Variants in TSGA13 observed in about 807,000 individuals in gnomAD.
TSGA13 encodes testis specific 13.
TSGA13 carries 37 observed loss-of-function variants against 35.1 expected under a neutral mutation model. That is an observed-to-expected ratio of 1.05 (90% CI 0.81 to 1.39). The LOEUF (loss-of-function observed/expected upper bound fraction) is 1.39, where lower values mean the gene tolerates loss of function less well. TSGA13 is among the 40% of genes most tolerant of loss of function. TSGA13 has a pLI of 0.00. For synonymous variants in TSGA13, 124 were observed against 121.2 expected (o/e 1.02, Z -0.15); for missense variants, 338 against 328.5 (o/e 1.03, Z -0.22).
chr7:130,674,189 T>C (rs1303092625), intron 5 of TSGA13, among the ~76,000 whole-genome samples: 2 of 142,530 alleles, frequency 1.4e-5, no homozygotes, highest in Non-Finnish European at 3.1e-5. Flanking sequence ...TTTTTTTTTT[T>C]GAGATAGAGT....
At chr7:130,678,145 A>G (rs536902717) in intron 5 of TSGA13, among the ~76,000 whole-genome samples, 31 of 152,096 alleles carry the variant, frequency 2.0e-4, no homozygotes, top group Middle Eastern at 6.9e-3. Flanking sequence ...TTGGGAGGCC[A>G]AGGCGGGTGG....
chr7:130,669,911 G>A (rs1184818147), intron 7 of TSGA13, among the ~76,000 whole-genome samples: 1 of 152,144 alleles, frequency 6.6e-6, no homozygotes, highest in Non-Finnish European at 1.5e-5. Flanking sequence ...CAGGCTTTGG[G>A]GAAGGAAACA....
chr7:130,668,808 G>T lies in TSGA13; in HGVS notation c.*206C>A. 1 of 1,256,410 alleles carries T rather than the reference G, an allele frequency of 8.0e-7. No homozygotes were observed. The highest frequency in any genetic ancestry group is 1.1e-6 in the Non-Finnish European group (1 of 940,304). The allele number at this position is 1,256,410 out of a possible 1,614,324, so 77.8% of individuals were successfully genotyped here. A position where few individuals can be genotyped will look rare whatever the true frequency, so the allele number is the denominator to read the frequency against. On this transcript the variant is annotated 3_prime_UTR_variant, in exon 8 of 8. Coordinates refer to ENST00000356588, the MANE Select transcript of TSGA13 (RefSeq NM_052933.4). Reference sequence around the variant, plus strand: ...GCGCCTTCACTCGGGGCCAAGGCCCGCCCTCCCCGGCCGCCCTCGGCCCCC... The same window carrying T: ...GCGCCTTCACTCGGGGCCAAGGCCCTCCCTCCCCGGCCGCCCTCGGCCCCC...
intron 2 of TSGA13, among the ~76,000 whole-genome samples, chr7:130,684,481 TA>T (rs1796616134): frequency 6.6e-6 from 1 of 152,210 alleles, no homozygotes; most frequent in Non-Finnish European, 1.5e-5. Context: ...ATTGGGTGGT[TA>T]AATTAGCTCA....
intron 3 of TSGA13, among the ~76,000 whole-genome samples, chr7:130,681,528 A>G (rs1169689031): frequency 2.0e-5 from 3 of 151,678 alleles, no homozygotes; most frequent in East Asian, 1.9e-4. Flanking sequence ...ACTCACAGAG[A>G]AAGGAAGAAG....
chr7:130,675,384 G>T (rs1377100541), intron 5 of TSGA13, among the ~76,000 whole-genome samples: 34 of 150,292 alleles, frequency 2.3e-4, no homozygotes, highest in Admixed American at 1.7e-3. Flanking sequence ...CTTTTTTTGG[G>T]GGGGGTGGGG....
At chr7:130,671,176 T>G (rs1796260799) in intron 7 of TSGA13, among the ~76,000 whole-genome samples, 2 of 152,116 alleles carry the variant, frequency 1.3e-5, no homozygotes, top group Non-Finnish European at 2.9e-5. Flanking sequence ...TAGAGCAGTT[T>G]TTTCTTCAAA....
chr7:130,679,377 C>CA lies in TSGA13; in HGVS notation c.175-11dup, dbSNP rs1554464721. On this transcript the variant is annotated splice_polypyrimidine_tract_variant and intron_variant, in intron 4 of 7. Coordinates refer to ENST00000356588, the MANE Select transcript of TSGA13 (RefSeq NM_052933.4). ...GCTTATAGTACTGGGCCTGAACAGA[C>CA]AGAAAGGTTTCCAGAGAGAAAAAGA... 6.9e-6 allele frequency: 11 copies of CA among 1,598,546 alleles called. No individual in the cohort carries two copies. The East Asian group carries it at 2.2e-4, about 32-fold the overall frequency.
In TSGA13 at chr7:130,669,079, C is replaced by G; in HGVS notation, c.763G>C (p.Glu255Gln). The G allele has an allele frequency of 1.9e-6, 3 of 1,614,248 alleles. No individual in the cohort carries two copies. Among genetic ancestry groups the G allele is most frequent in the Non-Finnish European group, 2.5e-6 (3 of 1,180,046 alleles). ...GCCCTCCCGTTGCGGAAGGCGCTCT[C>G]CCCGGGCGCGGTTCTGGTGGGCATG... is the stretch of plus-strand genomic sequence containing the variant. ...EDMPTRTAPG[E>Q]SAFRNGRAPQ... The change falls in exon 8 of 8, where the codon GAG (glutamate) becomes CAG (glutamine). Residue 255 changes from glutamate (E) to glutamine (Q), a missense_variant. Transcript: ENST00000356588.
rs1796169676 is a variant in TSGA13, at chr7:130,668,850, C to G, written c.*164G>C. On this transcript the variant is annotated 3_prime_UTR_variant, in exon 8 of 8. Coordinates refer to ENST00000356588, the MANE Select transcript of TSGA13 (RefSeq NM_052933.4). ...TCGGCCCCCGGGACGCAGCCACGCC[C>G]CCTTCTCCTCTTGCGGCCCGCCGGA... is the stretch of plus-strand genomic sequence containing the variant. 1.5e-6 allele frequency: 2 copies of G among 1,330,194 alleles called. No individual in the cohort carries two copies. The highest frequency in any genetic ancestry group is 3.0e-5 in the African/African-American group (2 of 65,790). The allele number at this position is 1,330,194 out of a possible 1,614,324, so 82.4% of individuals were successfully genotyped here. A position where few individuals can be genotyped will look rare whatever the true frequency, so the allele number is the denominator to read the frequency against.
At chr7:130,673,161 C>G (rs1205854794) in intron 5 of TSGA13, among the ~76,000 whole-genome samples, 1 of 152,158 alleles carries the variant, frequency 6.6e-6, no homozygotes, top group African/African-American at 2.4e-5. Flanking sequence ...GAGAAAGTTA[C>G]CCAGTTTGGG....
intron 5 of TSGA13, among the ~76,000 whole-genome samples, chr7:130,678,271 C>T (rs1324983504): frequency 6.6e-6 from 1 of 151,808 alleles, no homozygotes. Context: ...CCTAGCTGCT[C>T]GGGAGGCTGA....
In TSGA13 at chr7:130,681,051, T is replaced by C. The variant is rs79998457; in HGVS notation, c.103-34A>G. The stretch of plus-strand genomic sequence containing the variant: ...GATAATCAAAGTTAGTGGTTTGAAG[T>C]TGCACCTATCCTAAACAGTATTCCA... On this transcript the variant is annotated intron_variant, in intron 3 of 7. Transcript: ENST00000356588. The C allele has an allele frequency of 8.0e-4, 1,265 of 1,587,642 alleles. 2 individuals are homozygous for C. In the African/African-American group the frequency reaches 8.9e-3, roughly 11 times the overall value.
At chr7:130,680,814 G>T in intron 4 of TSGA13, 132 bp downstream of exon 4, 2 of 798,596 alleles carry the variant, frequency 2.5e-6, no homozygotes, top group Non-Finnish European at 2.0e-6. Flanking sequence ...AGCTCTGCCT[G>T]CCTGTCCTAA....
intron 2 of TSGA13, among the ~76,000 whole-genome samples, chr7:130,684,848 T>A (rs1796624984): frequency 6.6e-6 from 1 of 152,152 alleles, no homozygotes; most frequent in South Asian, 2.1e-4. Context: ...CAGTATAATA[T>A]TTATTGTAGC....
intron 5 of TSGA13, among the ~76,000 whole-genome samples, chr7:130,676,264 T>C (rs1424251522): frequency 1.3e-5 from 2 of 152,244 alleles, no homozygotes; most frequent in Admixed American, 1.3e-4. Flanking sequence ...TTCAATCTTC[T>C]TGGGCTTGTT....
At chr7:130,682,573 TC>T (rs1192270186) in intron 3 of TSGA13, among the ~76,000 whole-genome samples, 13 of 151,930 alleles carry the variant, frequency 8.6e-5, no homozygotes, top group Non-Finnish European at 1.0e-4. Context: ...TTGCTATACC[TC>T]CCCCATCAGG....
chr7:130,670,796 A>T (rs181601768), intron 7 of TSGA13, among the ~76,000 whole-genome samples: 5 of 152,064 alleles, frequency 3.3e-5, no homozygotes, highest in African/African-American at 9.6e-5. Flanking sequence ...AAATTTTTTT[A>T]AATTATTTTT....
At chr7:130,669,413 A>T (rs1214800485) in intron 7 of TSGA13, among the ~76,000 whole-genome samples, 1 of 152,214 alleles carries the variant, frequency 6.6e-6, no homozygotes, top group African/African-American at 2.4e-5. Flanking sequence ...TTCCTTGTTC[A>T]AGCCTATTTC....
Sources: gnomAD v4.1 joint callset for allele counts (sites outside exome capture counted in the v4.1 genomes callset) on GRCh38, gnomAD v4.1.1 for gene constraint, MANE v1.5 for transcripts, NCBI Gene and HGNC (gene_info 2026-07-23, HGNC 2026-07-21) for gene names.